Variants in CTBP2 observed in about 807,000 individuals in gnomAD.
CTBP2 encodes C-terminal-binding protein 2.
Under a neutral mutation model 80.3 loss-of-function variants are expected in CTBP2, and 30 were observed. The observed-to-expected ratio is 0.37, with a 90% CI of 0.28 to 0.51. The LOEUF is 0.51. Ranked by LOEUF, CTBP2 falls within the 20% of genes least tolerant of loss-of-function variation. CTBP2 has a pLI of 0.93. For synonymous variants in CTBP2, 594 were observed against 587.4 expected, an observed-to-expected ratio of 1.01 and a Z score of -0.16; for missense variants, 1,212 against 1,375.3, an observed-to-expected ratio of 0.88 and a Z score of 1.88.
At chr10:125,035,347 G>T (rs191180904) in intron 3 of CTBP2, among the ~76,000 whole-genome samples, 1 of 152,122 alleles carries the variant, frequency 6.6e-6, no homozygotes, top group African/African-American at 2.4e-5. Context: ...TATTTAAGAG[G>T]AGGTCCCTTT....
chr10:125,115,207 G>A (rs1853030707), intron 1 of CTBP2, among the ~76,000 whole-genome samples: 1 of 152,090 alleles, frequency 6.6e-6, no homozygotes, highest in Non-Finnish European at 1.5e-5. Context: ...TCCTAAAGGG[G>A]CCCTTGCACC....
At chr10:125,049,993 T>G (rs1454078820) in intron 2 of CTBP2, among the ~76,000 whole-genome samples, 4 of 152,182 alleles carry the variant, frequency 2.6e-5, no homozygotes, top group Non-Finnish European at 5.9e-5. Flanking sequence ...CACCAGTAGT[T>G]TGGGCATGCA....
chr10:125,161,176 G>A (rs536972633), upstream of CTBP2: 711 of 152,120 alleles, frequency 4.7e-3, 1 homozygote, highest in Middle Eastern at 0.017. Context: ...GGCTCTCTCG[G>A]GGGATTAGTG....
At chr10:125,055,966 A>G (rs1435046999) in intron 2 of CTBP2, among the ~76,000 whole-genome samples, 1 of 152,058 alleles carries the variant, frequency 6.6e-6, no homozygotes, top group Non-Finnish European at 1.5e-5. Flanking sequence ...GGAGTTCGAG[A>G]CCAGCCTGGC....
chr10:125,151,962 C>G, intron 1 of CTBP2, among the ~76,000 whole-genome samples: 1 of 152,166 alleles, frequency 6.6e-6, no homozygotes, highest in East Asian at 1.9e-4. Flanking sequence ...CAACGACTTC[C>G]CCGCGGCGGG....
rs182682768 is a variant in CTBP2, at chr10:125,140,970, T to G, written c.-206+19349A>C. Among the ~76,000 whole-genome samples the G allele has an allele frequency of 3.7e-3, 563 of 151,768 alleles. 1 individual carries two copies. The highest frequency in any genetic ancestry group is 0.01 in the Middle Eastern group (3 of 294). ...GCCTGGCCAACATGGTGAAACCCCA[T>G]CTCTACTAAAAATACAAAAATTAGC... On this transcript the variant is annotated intron_variant, in intron 1 of 10. Transcript: ENST00000337195.
chr10:125,076,910 C>T (rs1038904793), intron 2 of CTBP2, among the ~76,000 whole-genome samples: 1 of 152,196 alleles, frequency 6.6e-6, no homozygotes, highest in African/African-American at 2.4e-5. Context: ...GTCATTTCTG[C>T]CAAGAATCAT....
chr10:125,004,378 T>C (rs1231150808), intron 1 of CTBP2, among the ~76,000 whole-genome samples: 1 of 152,170 alleles, frequency 6.6e-6, no homozygotes, highest in Non-Finnish European at 1.5e-5. Context: ...AGGGCCTCTT[T>C]TCTCTCTTTA....
At chr10:125,061,693 CCCGTGCAGCATCCTGGA>C (rs1965003659) in intron 2 of CTBP2, among the ~76,000 whole-genome samples, 1 of 152,164 alleles carries the variant, frequency 6.6e-6, no homozygotes, top group Non-Finnish European at 1.5e-5. Context: ...AGACGGAGCC[CCCGTGCAGCATCCTGGA>C]CCTGTGAGCT....
chr10:125,059,154 G>A lies in CTBP2; in HGVS notation c.-101-19999C>T, dbSNP rs571259038. Among the ~76,000 whole-genome samples the A allele has an allele frequency of 4.6e-5, 7 of 152,210 alleles. No individual in the cohort carries two copies. In the East Asian group the frequency reaches 7.7e-4, roughly 17 times the overall value. ...AGTGTGGGCGGTGGGGGTGGGAGGC[G>A]TGTTTAAGTAAAAAGGAGACACAAG... On this transcript the variant is annotated intron_variant, in intron 2 of 10. Coordinates refer to the CTBP2 transcript ENST00000337195.
At chr10:125,034,881 TG>T (rs1176283570) in intron 3 of CTBP2, among the ~76,000 whole-genome samples, 1 of 152,194 alleles carries the variant, frequency 6.6e-6, no homozygotes, top group Non-Finnish European at 1.5e-5. Context: ...GAGGCTCTGA[TG>T]GGTGTTTGCC....
chr10:125,020,157 T>C (rs1453804781), intron 1 of CTBP2, among the ~76,000 whole-genome samples: 1 of 152,080 alleles, frequency 6.6e-6, no homozygotes, highest in Non-Finnish European at 1.5e-5. Context: ...TCCAGGAAAA[T>C]AGGAACCATA....
chr10:125,081,932 C>G (rs187809230), intron 2 of CTBP2, among the ~76,000 whole-genome samples: 3 of 151,980 alleles, frequency 2.0e-5, no homozygotes, highest in Non-Finnish European at 2.9e-5. Context: ...CACCGAGAAC[C>G]CACCCTGTCT....
intron 2 of CTBP2, among the ~76,000 whole-genome samples, chr10:125,095,468 G>C (rs1372845725): frequency 6.6e-6 from 1 of 152,132 alleles, no homozygotes; most frequent in Non-Finnish European, 1.5e-5. Flanking sequence ...TCTCACCACA[G>C]AAAAAGGGAC....
intron 1 of CTBP2, among the ~76,000 whole-genome samples, chr10:125,020,045 C>T (rs564501285): frequency 1.8e-4 from 28 of 152,268 alleles, no homozygotes; most frequent in Non-Finnish European, 3.1e-4. Context: ...AGCAAAATAG[C>T]GTAGGGGCCC....
chr10:124,986,270 G>GACGCACGC lies in CTBP2; in HGVS notation c.*3247_*3248insGCGTGCGT, dbSNP rs1952031743. On this transcript the variant is annotated 3_prime_UTR_variant, in exon 9 of 9. Transcript: ENST00000309035. ...GATGTGGCCAGGAATTTGGAAAGAC[G>GACGCACGC]ACACACGCACGCGCGCGCGCGCACA... is the stretch of plus-strand genomic sequence containing the variant. The GACGCACGC allele has an allele frequency of 2.5e-5, 2 of 80,606 alleles. No individual in the cohort carries two copies. The highest frequency in any genetic ancestry group is 5.7e-5 in the Non-Finnish European group (2 of 35,006). 5.0% of individuals were successfully genotyped at this position (80,606 alleles called of 1,614,324 possible).
At chr10:125,053,294 G>A (rs544129321) in intron 2 of CTBP2, among the ~76,000 whole-genome samples, 2 of 152,228 alleles carry the variant, frequency 1.3e-5, no homozygotes, top group South Asian at 4.2e-4. Context: ...CAAAGGACAT[G>A]GGAGCAGGAG....
intron 1 of CTBP2, among the ~76,000 whole-genome samples, chr10:125,008,977 C>A (rs1267221900): frequency 6.6e-6 from 1 of 152,208 alleles, no homozygotes; most frequent in African/African-American, 2.4e-5. Flanking sequence ...TTCCTTTGTT[C>A]CCCTCTACCT....
intron 1 of CTBP2, among the ~76,000 whole-genome samples, chr10:125,135,032 C>G (rs1209309033): frequency 6.6e-6 from 1 of 152,194 alleles, no homozygotes; most frequent in Non-Finnish European, 1.5e-5. Flanking sequence ...TAGGCAGCGG[C>G]AAGGCTACAT....
Sources: gnomAD v4.1 joint callset for allele counts (sites outside exome capture counted in the v4.1 genomes callset) on GRCh38, gnomAD v4.1.1 for gene constraint, MANE v1.5 for transcripts, NCBI Gene and HGNC (gene_info 2026-07-23, HGNC 2026-07-21) for gene names.